The following GUCY1A2 variants were observed in gnomAD, a reference collection of about 807,000 sequenced individuals.
The protein encoded by GUCY1A2 is guanylate cyclase 1 soluble subunit alpha 2.
GUCY1A2 carries 27 observed loss-of-function variants against 63.5 expected under a neutral mutation model. The observed-to-expected ratio is 0.43, with a 90% confidence interval of 0.31 to 0.59. The LOEUF (loss-of-function observed/expected upper bound fraction) is 0.59. Among genes scored for constraint, GUCY1A2 ranks in the 20% least tolerant of loss-of-function variants. The pLI, the probability that GUCY1A2 is intolerant of heterozygous loss-of-function variation, is 0.11. For missense variants in GUCY1A2, 768 were observed against 913.3 expected, an observed-to-expected ratio of 0.84 and a Z score of 2.05; for synonymous variants, 364 against 343.5, an observed-to-expected ratio of 1.06 and a Z score of -0.66.
intron 4 of GUCY1A2, among the ~76,000 whole-genome samples, chr11:106,870,605 G>A (rs1352193774): frequency 6.6e-6 from 1 of 151,954 alleles, no homozygotes; most frequent in African/African-American, 2.4e-5. Flanking sequence ...AGTTTGTAGG[G>A]GTGGGAATTA....
At chr11:106,954,446 G>T (rs956102556) in intron 3 of GUCY1A2, among the ~76,000 whole-genome samples, 3 of 152,146 alleles carry the variant, frequency 2.0e-5, no homozygotes, top group Non-Finnish European at 4.4e-5. Flanking sequence ...CAATTTCAGG[G>T]TAAGTGCCAT....
chr11:106,775,259 C>A (rs1023985131), intron 6 of GUCY1A2, among the ~76,000 whole-genome samples: 1 of 152,044 alleles, frequency 6.6e-6, no homozygotes, highest in African/African-American at 2.4e-5. Context: ...AAATATGTAT[C>A]ATTTAAAACA....
chr11:106,930,736 C>G (rs1860589730), intron 4 of GUCY1A2, among the ~76,000 whole-genome samples: 2 of 152,130 alleles, frequency 1.3e-5, no homozygotes, highest in African/African-American at 4.8e-5. Context: ...GAAAAGAAAC[C>G]TAGTGTGTTA....
At chr11:106,991,925 C>T (rs1016951577) in intron 1 of GUCY1A2, among the ~76,000 whole-genome samples, 1 of 152,310 alleles carries the variant, frequency 6.6e-6, no homozygotes, top group East Asian at 1.9e-4. Context: ...TGTATATGAA[C>T]TTCTTTGATT....
rs1420535024 is a variant in GUCY1A2 at position 106,682,716 on chromosome 11, A to G, written c.*4833T>C. 4.7e-6 allele frequency: 1 copy of G among 211,144 alleles called. No homozygotes were observed. The allele number at this position is 211,144 out of a possible 1,614,324, so 13.1% of individuals were successfully genotyped here. A position where few individuals can be genotyped will look rare whatever the true frequency, so the allele number is the denominator to read the frequency against. On this transcript the variant is annotated 3_prime_UTR_variant, in exon 8 of 8. Coordinates refer to ENST00000526355, the MANE Select transcript of GUCY1A2 (RefSeq NM_000855.3). The stretch of plus-strand genomic sequence containing the variant: ...ACACAGATGCATACACACAAACTAA[A>G]AATATTAATCACTTTATAAAACTAT...
intron 4 of GUCY1A2, among the ~76,000 whole-genome samples, chr11:106,836,577 A>C (rs1859120563): frequency 6.6e-6 from 1 of 151,968 alleles, no homozygotes. Flanking sequence ...GTGGGACTTC[A>C]TGTGGGCCCC....
chr11:106,996,161 T>C (rs1044543898), intron 1 of GUCY1A2, among the ~76,000 whole-genome samples: 2 of 152,126 alleles, frequency 1.3e-5, no homozygotes, highest in Admixed American at 6.5e-5. Flanking sequence ...AGTAGGCCAT[T>C]GAGCAATAGA....
chr11:106,778,303 T>A (rs1331182472), intron 5 of GUCY1A2, among the ~76,000 whole-genome samples: 1 of 152,242 alleles, frequency 6.6e-6, no homozygotes, highest in Non-Finnish European at 1.5e-5. Flanking sequence ...CTCAAAGAAC[T>A]AATCCTTTCT....
intron 6 of GUCY1A2, among the ~76,000 whole-genome samples, chr11:106,719,065 A>G (rs954051304): frequency 6.6e-6 from 1 of 152,140 alleles, no homozygotes; most frequent in African/African-American, 2.4e-5. Context: ...AGTAATAAAG[A>G]CGTCTATATT....
intron 6 of GUCY1A2, among the ~76,000 whole-genome samples, chr11:106,737,996 A>C (rs993391123): frequency 6.6e-6 from 1 of 152,160 alleles, no homozygotes; most frequent in African/African-American, 2.4e-5. Context: ...GGGTGAACTA[A>C]TTTACAGTCC....
chr11:106,908,432 GA>G (rs753685714), intron 4 of GUCY1A2, among the ~76,000 whole-genome samples: 1 of 151,868 alleles, frequency 6.6e-6, no homozygotes, highest in Non-Finnish European at 1.5e-5. Flanking sequence ...ATGTAAATGT[GA>G]AATGCATGCA....
At chr11:106,708,692 G>A in intron 6 of GUCY1A2, 26 bp from the exon 7 acceptor site, 6 of 1,496,766 alleles carry the variant, frequency 4.0e-6, no homozygotes, top group Non-Finnish European at 5.4e-6. Context: ...AGAGGAAAAG[G>A]AACATATTTG....
chr11:106,785,186 CT>C (rs1398822227), intron 5 of GUCY1A2, among the ~76,000 whole-genome samples: 1 of 152,146 alleles, frequency 6.6e-6, no homozygotes, highest in African/African-American at 2.4e-5. Flanking sequence ...CTTATTTACT[CT>C]TTCTAAAGGC....
At chr11:106,831,387 C>T (rs1257425671) in intron 4 of GUCY1A2, among the ~76,000 whole-genome samples, 1 of 151,928 alleles carries the variant, frequency 6.6e-6, no homozygotes, top group Non-Finnish European at 1.5e-5. Flanking sequence ...GTGAAAAGCA[C>T]GTGGGTTATT....
intron 6 of GUCY1A2, among the ~76,000 whole-genome samples, chr11:106,768,266 G>C (rs935729041): frequency 6.6e-6 from 1 of 152,082 alleles, no homozygotes; most frequent in African/African-American, 2.4e-5. Flanking sequence ...GGGACTACAG[G>C]TATGCCCCCC....
At position 106,902,410 on chromosome 11, in the gene GUCY1A2, T is replaced by A. The variant is rs1248190000; in HGVS notation, c.1206+37050A>T. 2.6e-5 allele frequency among the ~76,000 whole-genome samples: 4 copies of A among 152,230 alleles called. No individual in the cohort carries two copies. In the East Asian group the frequency reaches 7.7e-4, roughly 29 times the overall value. ...TTGGTTTCAACTTAAAGTCACCAGC[T>A]GCATTAGCTCCTAACAAGAGAAACC... On this transcript the variant is annotated intron_variant, in intron 4 of 7. Transcript: ENST00000526355.
chr11:106,770,067 TCAA>T (rs1158352030), intron 6 of GUCY1A2, among the ~76,000 whole-genome samples: 7 of 151,956 alleles, frequency 4.6e-5, no homozygotes, highest in African/African-American at 1.7e-4. Flanking sequence ...AAATAACAAT[TCAA>T]CAATTAAAAA....
At chr11:106,957,703 A>T (rs1015610951) in intron 3 of GUCY1A2, among the ~76,000 whole-genome samples, 2 of 151,650 alleles carry the variant, frequency 1.3e-5, no homozygotes, top group Non-Finnish European at 2.9e-5. Flanking sequence ...GGAGCCTCTG[A>T]ACACGCAGCT....
At chr11:106,793,395 T>G (rs1864697241) in intron 5 of GUCY1A2, among the ~76,000 whole-genome samples, 2 of 152,098 alleles carry the variant, frequency 1.3e-5, no homozygotes, top group African/African-American at 4.8e-5. Context: ...ACTGTAAAAC[T>G]TTTAGCTAAA....
Sources: gnomAD v4.1 joint callset for allele counts (sites outside exome capture counted in the v4.1 genomes callset) on GRCh38, gnomAD v4.1.1 for gene constraint, MANE v1.5 for transcripts, NCBI Gene and HGNC (gene_info 2026-07-23, HGNC 2026-07-21) for gene names.